TENM4: variants seen among roughly 807,000 people sequenced by gnomAD.
TENM4 encodes teneurin transmembrane protein 4, also known as teneurin-4.
Under a neutral mutation model 243.3 loss-of-function variants are expected in TENM4, and 82 were observed. That is an observed-to-expected ratio of 0.34 (90% confidence interval 0.28 to 0.40). The LOEUF is 0.40. Ranked by LOEUF, TENM4 falls within the 10% of genes least tolerant of loss-of-function variation. The probability of loss-of-function intolerance (pLI) is 1.00; values close to 1 mark genes in which losing one functional copy is unlikely to be tolerated. For missense variants in TENM4, 3,138 were observed against 3,673.3 expected, an observed-to-expected ratio of 0.85 and a Z score of 3.77; for synonymous variants, 1,412 against 1,456.3, an observed-to-expected ratio of 0.97 and a Z score of 0.69.
chr11:79,274,281 G>A (rs1035665717), intron 2 of TENM4, among the ~76,000 whole-genome samples: 32 of 152,238 alleles, frequency 2.1e-4, no homozygotes, highest in Admixed American at 2.0e-3. Context: ...ACAAATTCTC[G>A]TGAAGGTCTT....
intron 2 of TENM4, 50 bp from the exon 3 acceptor site, chr11:79,215,959 C>A (rs1864044879): frequency 1.5e-6 from 1 of 661,848 alleles, no homozygotes; most frequent in African/African-American, 2.0e-5. Context: ...GCAAGATGCC[C>A]CAATCCTTTC....
At chr11:79,067,529 G>A (rs1183922911) in intron 5 of TENM4, among the ~76,000 whole-genome samples, 2 of 151,066 alleles carry the variant, frequency 1.3e-5, no homozygotes, top group Non-Finnish European at 3.0e-5. Flanking sequence ...AGCCTGGGCT[G>A]CATTGATTTC....
At chr11:79,043,586 C>T (rs768361570) in intron 6 of TENM4, among the ~76,000 whole-genome samples, 1 of 152,134 alleles carries the variant, frequency 6.6e-6, no homozygotes, top group Non-Finnish European at 1.5e-5. Flanking sequence ...TGTCACTGCA[C>T]CATAAATTAA....
intron 6 of TENM4, among the ~76,000 whole-genome samples, chr11:79,044,365 A>C (rs1859608859): frequency 6.6e-6 from 1 of 152,238 alleles, no homozygotes; most frequent in South Asian, 2.1e-4. Flanking sequence ...AAATCTAGCT[A>C]ATCAGGTCAG....
At chr11:79,429,679 T>C (rs1859126615) in intron 1 of TENM4, among the ~76,000 whole-genome samples, 2 of 152,254 alleles carry the variant, frequency 1.3e-5, no homozygotes, top group South Asian at 2.1e-4. Context: ...CACTGTCTTA[T>C]ATGGCCTTAG....
chr11:79,416,890 A>C (rs11237825), intron 1 of TENM4, among the ~76,000 whole-genome samples: 1 of 151,960 alleles, frequency 6.6e-6, no homozygotes, highest in Non-Finnish European at 1.5e-5. Flanking sequence ...AAAAAAAAGA[A>C]AAAAAAAGAC....
chr11:78,759,679 G>A (rs1437408786), intron 18 of TENM4, among the ~76,000 whole-genome samples: 11 of 152,248 alleles, frequency 7.2e-5, no homozygotes, highest in East Asian at 1.9e-4. Context: ...CAGTGATGGC[G>A]ATGATGATGA....
intron 3 of TENM4, among the ~76,000 whole-genome samples, chr11:79,157,792 T>A (rs1354655734): frequency 1.3e-5 from 2 of 152,184 alleles, no homozygotes; most frequent in African/African-American, 4.8e-5. Context: ...ATTGGTAAAT[T>A]CTGTCTGTTG....
chr11:78,697,468 C>T (rs1419462456), intron 28 of TENM4, among the ~76,000 whole-genome samples: 1 of 152,182 alleles, frequency 6.6e-6, no homozygotes, highest in East Asian at 1.9e-4. Context: ...CAAGTAAAAA[C>T]CAGAGGCCAA....
intron 1 of TENM4, among the ~76,000 whole-genome samples, chr11:79,387,389 A>G (rs894633660): frequency 6.6e-6 from 1 of 152,182 alleles, no homozygotes; most frequent in Non-Finnish European, 1.5e-5. Context: ...TCTTTATGCT[A>G]TATTATGTCC....
rs896077967 is a variant in TENM4, at chr11:79,405,861, A to C, written c.-321+34648T>G. ...CATTGTGATTTCAAAAAAAAAAAAA[A>C]AAAAAAAAAACAACTAGCTCCTAGA... is the stretch of plus-strand genomic sequence containing the variant. On this transcript the variant is annotated intron_variant, in intron 1 of 33. Coordinates refer to ENST00000278550, the MANE Select transcript of TENM4 (RefSeq NM_001098816.3). Among the ~76,000 whole-genome samples, 12 of 151,512 alleles carry C rather than the reference A, an allele frequency of 7.9e-5. 1 individual carries two copies. Among genetic ancestry groups the C allele is most frequent in the South Asian group, 4.2e-4 (2 of 4,804 alleles).
At chr11:79,017,412 G>A (rs566303682) in intron 6 of TENM4, among the ~76,000 whole-genome samples, 1 of 152,300 alleles carries the variant, frequency 6.6e-6, no homozygotes, top group Admixed American at 6.5e-5. Context: ...ATACCAGGAA[G>A]CAAGTTCTGA....
chr11:78,672,367 G>C (rs1858354152), intron 30 of TENM4, 38 bp from the exon 31 acceptor site: 3 of 1,582,746 alleles, frequency 1.9e-6, no homozygotes, highest in Non-Finnish European at 2.6e-6. Flanking sequence ...AAATTAATCT[G>C]GACCATGAGA....
intron 2 of TENM4, among the ~76,000 whole-genome samples, chr11:79,256,948 A>T (rs1056221515): frequency 2.0e-5 from 3 of 152,206 alleles, no homozygotes; most frequent in African/African-American, 4.8e-5. Flanking sequence ...ATGGCTCCTC[A>T]TCTAGTCAGG....
chr11:79,249,811 G>A (rs554527183), intron 2 of TENM4, among the ~76,000 whole-genome samples: 12 of 152,314 alleles, frequency 7.9e-5, no homozygotes, highest in African/African-American at 2.6e-4. Context: ...ATCTCAGGAA[G>A]TTTTGAAGAT....
chr11:78,891,260 G>T lies in TENM4; in HGVS notation c.826C>A (p.His276Asn). The part of the protein sequence containing the change: ...IEMDILGASR[H>N]DGAYSDGHFL... The stretch of plus-strand genomic sequence containing the variant: ...TACCCGTCACTGTAAGCCCCATCAT[G>T]GCGGGAGGCGCCGAGAATGTCCATC... The change falls in exon 8 of 34, where the codon CAT becomes AAT. Residue 276 changes from histidine to asparagine, a missense_variant. His to Asn is a moderately conservative substitution (Grantham distance 68, BLOSUM62 1). Transcript: ENST00000278550. 1 of 1,551,736 alleles carries T rather than the reference G, an allele frequency of 6.4e-7. No individual in the cohort carries two copies. Among genetic ancestry groups the T allele is most frequent in the Non-Finnish European group, 8.7e-7 (1 of 1,147,020 alleles).
chr11:79,188,363 G>A (rs1322808206), intron 3 of TENM4, among the ~76,000 whole-genome samples: 2 of 152,114 alleles, frequency 1.3e-5, no homozygotes, highest in Non-Finnish European at 2.9e-5. Context: ...CCAGAATGCT[G>A]ACTTCAATTT....
intron 2 of TENM4, among the ~76,000 whole-genome samples, chr11:79,274,654 C>T (rs1201949639): frequency 6.6e-6 from 1 of 152,112 alleles, no homozygotes; most frequent in African/African-American, 2.4e-5. Flanking sequence ...GATTAAAAAC[C>T]ACGGAGCTGG....
At chr11:79,430,542 G>C (rs1462330577) in intron 1 of TENM4, among the ~76,000 whole-genome samples, 1 of 152,190 alleles carries the variant, frequency 6.6e-6, no homozygotes, top group Non-Finnish European at 1.5e-5. Flanking sequence ...CACAAAAGGA[G>C]TGTACATTCT....
Sources: gnomAD v4.1 joint callset for allele counts (sites outside exome capture counted in the v4.1 genomes callset) on GRCh38, gnomAD v4.1.1 for gene constraint, MANE v1.5 for transcripts, NCBI Gene and HGNC (gene_info 2026-07-23, HGNC 2026-07-21) for gene names.